ASH1L: variants seen among roughly 807,000 people sequenced by gnomAD.
The protein encoded by ASH1L is ASH1 like histone lysine methyltransferase.
In ASH1L, 23 loss-of-function variants were observed where a neutral mutation model predicts 269.0. The ratio of observed to expected loss-of-function variants is 0.09; its 90% CI spans 0.06 to 0.12. The LOEUF (loss-of-function observed/expected upper bound fraction) is 0.12, where lower values mean the gene tolerates loss of function less well. ASH1L is among the 10% of genes least tolerant of loss of function. ASH1L has a pLI of 1.00. For synonymous variants in ASH1L, 1,187 were observed against 1,253.5 expected (o/e 0.95, Z 1.12); for missense variants, 2,912 against 3,567.8 (o/e 0.82, Z 4.68).
chr1:155,413,766 A>C (rs943938241), intron 6 of ASH1L, among the ~76,000 whole-genome samples: 1 of 152,146 alleles, frequency 6.6e-6, no homozygotes, highest in South Asian at 2.1e-4. Context: ...AGAAGGGAGA[A>C]AAAGGAGCCT....
At chr1:155,501,552 G>C (rs1333535903) in intron 2 of ASH1L, among the ~76,000 whole-genome samples, 1 of 152,100 alleles carries the variant, frequency 6.6e-6, no homozygotes, top group African/African-American at 2.4e-5. Flanking sequence ...TATATTTTTA[G>C]TAGAGACCAG....
rs1558147519 is a variant in ASH1L, at chr1:155,478,942, A to G, written c.3928T>C (p.Phe1310Leu). ...GTTGGCAGAAGATCTCGGGGGATAAAATGATGACTTCGATGAGTGATCCGA... is the reference window on the plus strand; with the variant it reads ...GTTGGCAGAAGATCTCGGGGGATAAGATGATGACTTCGATGAGTGATCCGA... Reference protein sequence around the residue: ...EIRITHRSHHFIPRDLLPTIF... With the variant: ...EIRITHRSHHLIPRDLLPTIF... Residue 1310 changes from phenylalanine to leucine, a missense_variant, in exon 3 of 28, where the codon TTT becomes CTT. Physicochemically the swap from Phe to Leu is conservative, Grantham distance 22. Around this residue, in one of 13 missense-constraint regions of ASH1L, gnomAD observed 789 missense variants for 897.6 expected, o/e 0.88. Coordinates refer to ENST00000392403, the MANE Select transcript of ASH1L (RefSeq NM_018489.3). This position sits in a 1 kb window ranked among gnomAD's most constrained non-coding sequence, Gnocchi z 4.6. The G allele has an allele frequency of 6.2e-7, 1 of 1,613,852 alleles. No homozygotes were observed. The highest frequency in any genetic ancestry group is 2.2e-5 in the East Asian group (1 of 44,886).
intron 5 of ASH1L, among the ~76,000 whole-genome samples, chr1:155,417,788 G>A (rs987785141): frequency 2.6e-5 from 4 of 151,918 alleles, no homozygotes; most frequent in African/African-American, 7.3e-5. Context: ...GAGAAACCCC[G>A]TCTCTACTAA....
intron 2 of ASH1L, among the ~76,000 whole-genome samples, chr1:155,514,163 T>C (rs1668350980): frequency 6.6e-6 from 1 of 152,168 alleles, no homozygotes; most frequent in Non-Finnish European, 1.5e-5. Context: ...GAAGAGTTAA[T>C]AGAGTGTCAG....
intron 1 of ASH1L, among the ~76,000 whole-genome samples, chr1:155,534,473 G>C (rs765424943): frequency 1.3e-5 from 2 of 151,674 alleles, no homozygotes; most frequent in Non-Finnish European, 2.9e-5. Flanking sequence ...AATGGTAAAT[G>C]GTATGGTGGT....
intron 6 of ASH1L, among the ~76,000 whole-genome samples, chr1:155,404,520 T>A (rs1278744909): frequency 6.6e-6 from 1 of 151,750 alleles, no homozygotes; most frequent in Non-Finnish European, 1.5e-5. Flanking sequence ...CTACAAAAAA[T>A]AAAAAAATTA....
chr1:155,370,447 CT>C, intron 12 of ASH1L, 56 bp downstream of exon 12: 1 of 1,603,926 alleles, frequency 6.2e-7, no homozygotes, highest in Non-Finnish European at 8.5e-7. Context: ...CAATCCCTTG[CT>C]GCACTCAATG....
At position 155,343,702 on chromosome 1, in the gene ASH1L, A is replaced by T; in HGVS notation, c.8022T>A (p.Pro2674=). The T allele has an allele frequency of 6.2e-7, 1 of 1,614,202 alleles. No homozygotes were observed. Among genetic ancestry groups the T allele is most frequent in the East Asian group, 2.2e-5 (1 of 44,886 alleles). ...VYLMRDSRRT[P]DGHPVRQSYR... The stretch of plus-strand genomic sequence containing the variant: ...AGGACTGACGGACCGGGTGGCCATC[A>T]GGGGTGCGCCGACTATCCCTCATCA... Residue 2674 remains proline, a synonymous_variant, in exon 23 of 28, where the codon CCT becomes CCA. Coordinates refer to ENST00000392403, the MANE Select transcript of ASH1L (RefSeq NM_018489.3). This position sits in a 1 kb window ranked among gnomAD's most constrained non-coding sequence, Gnocchi z 6.1.
intron 21 of ASH1L, chr1:155,344,729 A>T (rs1653099248): frequency 6.3e-6 from 1 of 158,604 alleles, no homozygotes; most frequent in Non-Finnish European, 1.4e-5. Flanking sequence ...ACTTGCCCAA[A>T]ATCACACATA....
intron 12 of ASH1L, among the ~76,000 whole-genome samples, chr1:155,367,820 T>G (rs907020297): frequency 6.6e-6 from 1 of 152,206 alleles, no homozygotes; most frequent in Non-Finnish European, 1.5e-5. Context: ...CACATAGTCA[T>G]GATGTATTAA....
chr1:155,457,541 C>T (rs1045183462), intron 4 of ASH1L, among the ~76,000 whole-genome samples: 1 of 152,176 alleles, frequency 6.6e-6, no homozygotes, highest in Non-Finnish European at 1.5e-5. Context: ...CAGTAGTGTG[C>T]GTGACTTATT....
chr1:155,395,428 C>A, intron 7 of ASH1L, 31 bp downstream of exon 7: 1 of 1,484,412 alleles, frequency 6.7e-7, no homozygotes, highest in Non-Finnish European at 9.2e-7. Flanking sequence ...TGTTTCTTCT[C>A]AGCAATACAT....
rs546136568 is a variant in ASH1L at position 155,486,196 on chromosome 1, T to C, written c.421-3747A>G. Among the ~76,000 whole-genome samples, 13 of 152,288 alleles carry C rather than the reference T, an allele frequency of 8.5e-5. No homozygotes were observed. The East Asian group carries it at 2.3e-3, about 27-fold the overall frequency. ...AAGTTTGTAAATATCCCTCTTTACA[T>C]GTGGCACCTTTAAATGAACACAATA... is the stretch of plus-strand genomic sequence containing the variant. On this transcript the variant is annotated intron_variant, in intron 2 of 27. Transcript: ENST00000392403.
At chr1:155,440,341 A>C (rs1372229729) in intron 4 of ASH1L, among the ~76,000 whole-genome samples, 2 of 152,134 alleles carry the variant, frequency 1.3e-5, no homozygotes, top group South Asian at 2.1e-4. Flanking sequence ...AAAGGAAAAA[A>C]TTTCAAACTC....
chr1:155,370,827 C>A lies in ASH1L; in HGVS notation c.6489G>T (p.Gly2163=), dbSNP rs1360723323. Residue 2163 remains glycine, a synonymous_variant, in exon 11 of 28, where the codon GGG becomes GGT. Coordinates refer to ENST00000392403, the MANE Select transcript of ASH1L (RefSeq NM_018489.3). The part of the protein sequence containing the change: ...GIRTKEPLKA[G]QFIIEYLGEV... Reference sequence around the variant, plus strand: ...CCCCTAGGTATTCAATGATGAACTGCCCAGCTTTTAGGGGCTCTTTGGTTC... The same window carrying A: ...CCCCTAGGTATTCAATGATGAACTGACCAGCTTTTAGGGGCTCTTTGGTTC... The A allele has an allele frequency of 1.9e-6, 3 of 1,614,048 alleles. No homozygotes were observed. Among genetic ancestry groups the A allele is most frequent in the African/African-American group, 2.7e-5 (2 of 74,910 alleles).
intron 12 of ASH1L, among the ~76,000 whole-genome samples, chr1:155,363,051 T>C (rs1350299472): frequency 2.6e-5 from 4 of 152,042 alleles, no homozygotes; most frequent in African/African-American, 9.7e-5. Context: ...TGGCGGGAAC[T>C]TGGCTCACTG....
chr1:155,470,452 G>C (rs1665010828), intron 3 of ASH1L, among the ~76,000 whole-genome samples: 1 of 150,228 alleles, frequency 6.7e-6, no homozygotes, highest in East Asian at 1.9e-4. Context: ...GAGTGAGTCT[G>C]TCTCAAAAAA....
intron 2 of ASH1L, among the ~76,000 whole-genome samples, chr1:155,515,967 C>T (rs1175596560): frequency 6.6e-6 from 1 of 151,574 alleles, no homozygotes; most frequent in Non-Finnish European, 1.5e-5. Context: ...GGACAGAAAA[C>T]TTTATCCTTT....
intron 1 of ASH1L, among the ~76,000 whole-genome samples, chr1:155,534,776 T>A (rs1669935071): frequency 6.6e-6 from 1 of 152,240 alleles, no homozygotes; most frequent in South Asian, 2.1e-4. Flanking sequence ...AACGGAATTT[T>A]ATAAGATTTT....
Sources: gnomAD v4.1 joint callset for allele counts (sites outside exome capture counted in the v4.1 genomes callset) on GRCh38, gnomAD v4.1.1 for gene constraint, gnomAD v4.1.1 regional missense constraint, Gnocchi (gnomAD v3.1) non-coding constraint, MANE v1.5 for transcripts, NCBI Gene and HGNC (gene_info 2026-07-23, HGNC 2026-07-21) for gene names.